The following ASAP2 variants were observed in gnomAD, a reference collection of about 807,000 sequenced individuals.
ASAP2 encodes the protein arf-GAP with SH3 domain, ANK repeat and PH domain-containing protein 2.
A neutral mutation model predicts 131.4 loss-of-function variants in ASAP2; 45 were observed. The observed-to-expected ratio is 0.34, with a 90% CI of 0.27 to 0.44. The LOEUF (loss-of-function observed/expected upper bound fraction) is 0.44, where lower values mean the gene tolerates loss of function less well. Among genes scored for constraint, ASAP2 ranks in the 20% least tolerant of loss-of-function variants. ASAP2 has a pLI of 1.00. For missense variants in ASAP2, 1,011 were observed against 1,297.0 expected (o/e 0.78, Z 3.39); for synonymous variants, 510 against 503.0 (o/e 1.01, Z -0.19).
At chr2:9,342,109 G>A (rs1452851341) in intron 9 of ASAP2, among the ~76,000 whole-genome samples, 1 of 152,224 alleles carries the variant, frequency 6.6e-6, no homozygotes, top group Non-Finnish European at 1.5e-5. Context: ...TACACATTCA[G>A]TGCAGTCCCC....
At chr2:9,379,516 T>C (rs1435653725) in intron 19 of ASAP2, among the ~76,000 whole-genome samples, 1 of 152,088 alleles carries the variant, frequency 6.6e-6, no homozygotes, top group Non-Finnish European at 1.5e-5. Flanking sequence ...TGAAGGGCCC[T>C]GGTTGTTACT....
intron 1 of ASAP2, among the ~76,000 whole-genome samples, chr2:9,231,598 G>A (rs1663167961): frequency 6.6e-6 from 1 of 152,198 alleles, no homozygotes; most frequent in South Asian, 2.1e-4. Context: ...GCCTGCGCCT[G>A]CCTGTTCTTC....
chr2:9,230,150 C>A (rs1412249475), intron 1 of ASAP2, among the ~76,000 whole-genome samples: 1 of 152,194 alleles, frequency 6.6e-6, no homozygotes, highest in Non-Finnish European at 1.5e-5. Flanking sequence ...TAGGCACTCA[C>A]AGTTTCAGAA....
At position 9,333,462 on chromosome 2, in the gene ASAP2, A is replaced by T. The variant is rs1441715515; in HGVS notation, c.687-1276A>T. On this transcript the variant is annotated intron_variant, in intron 7 of 27. Transcript: ENST00000281419. ...ATAGGGGAATAACTTGTAGGGGATTATGGAAGGCCTCACTAACCGGGGATG... is the reference window on the plus strand; with the variant it reads ...ATAGGGGAATAACTTGTAGGGGATTTTGGAAGGCCTCACTAACCGGGGATG... 2.0e-5 allele frequency among the ~76,000 whole-genome samples: 3 copies of T among 152,248 alleles called. No individual in the cohort carries two copies. The East Asian group carries it at 5.8e-4, about 29-fold the overall frequency.
intron 9 of ASAP2, among the ~76,000 whole-genome samples, chr2:9,343,355 G>A (rs936732499): frequency 4.6e-5 from 7 of 152,088 alleles, no homozygotes; most frequent in Admixed American, 1.3e-4. Flanking sequence ...CTCCCCTCTC[G>A]TTTCCTTTAA....
chr2:9,377,099 C>T, intron 18 of ASAP2, 106 bp downstream of exon 18: 1 of 980,420 alleles, frequency 1.0e-6, no homozygotes, highest in Admixed American at 2.1e-5. Flanking sequence ...GGAGAACCTT[C>T]CCAGTTCTAA....
chr2:9,296,215 G>A (rs1668140629), intron 2 of ASAP2, among the ~76,000 whole-genome samples: 1 of 152,250 alleles, frequency 6.6e-6, no homozygotes, highest in African/African-American at 2.4e-5. Context: ...AGGTAGCCAT[G>A]CAGATAGAAG....
At chr2:9,290,632 C>T (rs1667753734) in intron 2 of ASAP2, among the ~76,000 whole-genome samples, 1 of 152,190 alleles carries the variant, frequency 6.6e-6, no homozygotes, top group African/African-American at 2.4e-5. Flanking sequence ...CTAAGATAAG[C>T]TTAGTTTAGA....
intron 9 of ASAP2, among the ~76,000 whole-genome samples, chr2:9,343,790 C>G (rs1671764880): frequency 6.6e-6 from 1 of 152,172 alleles, no homozygotes; most frequent in African/African-American, 2.4e-5. Flanking sequence ...TGTTGGATGC[C>G]AGACACTGGA....
intron 16 of ASAP2, among the ~76,000 whole-genome samples, chr2:9,369,166 A>G (rs1480336638): frequency 6.6e-6 from 1 of 152,182 alleles, no homozygotes; most frequent in South Asian, 2.1e-4. Flanking sequence ...TTATAGGCAC[A>G]TGCCACCACG....
intron 1 of ASAP2, among the ~76,000 whole-genome samples, chr2:9,239,909 G>A (rs1023585480): frequency 6.6e-6 from 1 of 151,946 alleles, no homozygotes; most frequent in Non-Finnish European, 1.5e-5. Flanking sequence ...TTGTAGAGAT[G>A]AGTTTTTGTC....
At chr2:9,400,474 G>A (rs1348215869) in intron 25 of ASAP2, among the ~76,000 whole-genome samples, 1 of 138,530 alleles carries the variant, frequency 7.2e-6, no homozygotes, top group Admixed American at 7.3e-5. Context: ...CTCCTCCCTC[G>A]GCCTCTGAGA....
At chr2:9,295,772 G>A (rs1466466330) in intron 2 of ASAP2, among the ~76,000 whole-genome samples, 1 of 152,144 alleles carries the variant, frequency 6.6e-6, no homozygotes, top group Admixed American at 6.5e-5. Context: ...AAAGAAAAAG[G>A]ACTCAAACAG....
intron 1 of ASAP2, among the ~76,000 whole-genome samples, chr2:9,210,811 T>G (rs1266376257): frequency 6.6e-6 from 1 of 151,600 alleles, no homozygotes; most frequent in African/African-American, 2.4e-5. Context: ...TCCGCCCGCC[T>G]TGGCCTCCCA....
chr2:9,243,133 G>T (rs1383860647), intron 1 of ASAP2, among the ~76,000 whole-genome samples: 1 of 152,142 alleles, frequency 6.6e-6, no homozygotes. Context: ...TTTTGAGACG[G>T]AGTCTTGCTC....
At chr2:9,251,982 C>T (rs1260990608) in intron 1 of ASAP2, among the ~76,000 whole-genome samples, 3 of 149,822 alleles carry the variant, frequency 2.0e-5, no homozygotes, top group Non-Finnish European at 4.4e-5. Context: ...GAATTTAGTT[C>T]ATCAGTTATT....
chr2:9,352,746 A>G (rs1672440138), intron 12 of ASAP2, among the ~76,000 whole-genome samples: 1 of 152,190 alleles, frequency 6.6e-6, no homozygotes, highest in Non-Finnish European at 1.5e-5. Flanking sequence ...GATATTTACC[A>G]AGATCCTGCC....
At chr2:9,278,103 T>C (rs969776840) in intron 1 of ASAP2, among the ~76,000 whole-genome samples, 36 of 152,178 alleles carry the variant, frequency 2.4e-4, no homozygotes, top group African/African-American at 8.4e-4. Context: ...CAGTAGTTAT[T>C]ATGTGCCAGT....
intron 12 of ASAP2, among the ~76,000 whole-genome samples, chr2:9,352,545 C>G (rs1672426205): frequency 6.6e-6 from 1 of 152,212 alleles, no homozygotes; most frequent in East Asian, 1.9e-4. Context: ...CTGCTAGATG[C>G]CATATGTGCA....
Sources: gnomAD v4.1 joint callset for allele counts (sites outside exome capture counted in the v4.1 genomes callset) on GRCh38, gnomAD v4.1.1 for gene constraint, MANE v1.5 for transcripts, NCBI Gene and HGNC (gene_info 2026-07-23, HGNC 2026-07-21) for gene names.